Variants in TIGD6 observed in about 807,000 individuals in gnomAD.
TIGD6 encodes tigger transposable element-derived protein 6.
TIGD6 carries 1 observed loss-of-function variant against 2.6 expected under a neutral mutation model. That is an observed-to-expected ratio of 0.39 (90% CI 0.14 to 1.85). The LOEUF (loss-of-function observed/expected upper bound fraction) is 1.85. TIGD6 is among the 40% of genes most tolerant of loss of function. The pLI, the probability that TIGD6 is intolerant of heterozygous loss-of-function variation, is 0.32. For synonymous variants in TIGD6, 193 were observed against 221.9 expected (o/e 0.87, Z 1.16); for missense variants, 601 against 634.2 (o/e 0.95, Z 0.56).
intron 1 of TIGD6, chr5:149,999,961 G>C (rs1054369897): frequency 1.9e-5 from 3 of 154,500 alleles, no homozygotes; most frequent in Non-Finnish European, 4.4e-5. Flanking sequence ...GCTTCGTGGA[G>C]AATGGATTGT....
rs768437010 is a variant in TIGD6 at position 149,994,916 on chromosome 5, T to C, written c.1433A>G (p.Gln478Arg). The C allele has an allele frequency of 4.3e-6, 7 of 1,612,088 alleles. No homozygotes were observed. The South Asian group carries it at 6.6e-5, about 15-fold the overall frequency. ...AATGTCTACACAAGTGGAAAGGAAC[T>C]GTCTAAGTTTCTGTACACTTGATAT... Reference protein sequence around the residue: ...EAISSVQKLRQFLSTCVDIPD... With the variant: ...EAISSVQKLRRFLSTCVDIPD... The change falls in exon 2 of 2, where the codon CAG becomes CGG. Residue 478 changes from glutamine (Q) to arginine (R), a missense_variant. Gln to Arg is a conservative substitution (Grantham distance 43, BLOSUM62 1). Coordinates refer to ENST00000296736, the MANE Select transcript of TIGD6 (RefSeq NM_030953.4).
chr5:149,994,758 A>T lies in TIGD6; in HGVS notation c.*25T>A. The T allele has an allele frequency of 6.7e-7, 1 of 1,496,304 alleles. No individual in the cohort carries two copies. Among genetic ancestry groups the T allele is most frequent in the South Asian group, 1.4e-5 (1 of 70,802 alleles). The allele number at this position is 1,496,304 out of a possible 1,614,324, so 92.7% of individuals were successfully genotyped here. On this transcript the variant is annotated 3_prime_UTR_variant, in exon 2 of 2. Coordinates refer to ENST00000296736, the MANE Select transcript of TIGD6 (RefSeq NM_030953.4). Reference sequence around the variant, plus strand: ...AAAGAAATCTTTATTCTTGTAAACTACATTTTCTGAAATAAATTCCTGCAT... The same window carrying T: ...AAAGAAATCTTTATTCTTGTAAACTTCATTTTCTGAAATAAATTCCTGCAT...
chr5:149,996,417 C>A lies in TIGD6; in HGVS notation c.-69G>T. The A allele has an allele frequency of 6.6e-7, 1 of 1,515,944 alleles. No individual in the cohort carries two copies. Among genetic ancestry groups the A allele is most frequent in the Non-Finnish European group, 8.8e-7 (1 of 1,134,936 alleles). 93.9% of individuals were successfully genotyped at this position (1,515,944 alleles called of 1,614,324 possible). On this transcript the variant is annotated 5_prime_UTR_variant, in exon 2 of 2. Transcript: ENST00000296736. ...TTCCTCCTCGCGGCTTGCTTTGCCC[C>A]AAGTGTGGAAAGCTGAGAAGACAAA...
In TIGD6 at chr5:149,995,421, C is replaced by G. The variant is rs747809979; in HGVS notation, c.928G>C (p.Val310Leu). ...VGYLPSNCTA[V>L]LQPLNLGIIH... is the part of the protein sequence containing the mutation. ...ATGCCAAGATTCAGTGGCTGCAGGA[C>G]AGCAGTACAGTTGGAGGGCAGATAC... The change falls in exon 2 of 2, where the codon GTC becomes CTC. Residue 310 changes from valine (V) to leucine (L), a missense_variant. Physicochemically the swap from Val to Leu is conservative, Grantham distance 32. Coordinates refer to ENST00000296736, the MANE Select transcript of TIGD6 (RefSeq NM_030953.4). 7 of 1,614,114 alleles carry G rather than the reference C, an allele frequency of 4.3e-6. No homozygotes were observed. Among genetic ancestry groups the G allele is most frequent in the African/African-American group, 2.7e-5 (2 of 74,936 alleles).
chr5:149,995,678 A>G lies in TIGD6; in HGVS notation c.671T>C (p.Met224Thr). The G allele has an allele frequency of 6.2e-7, 1 of 1,614,006 alleles. No homozygotes were observed. The highest frequency in any genetic ancestry group is 8.5e-7 in the Non-Finnish European group (1 of 1,179,952). Reference sequence around the variant, plus strand: ...TGACCTACCAACAATCAATGGTCTCATTTTTTCAGTCCCCGAGGCATTGCA... The same window carrying G: ...TGACCTACCAACAATCAATGGTCTCGTTTTTTCAGTCCCCGAGGCATTGCA... Reference protein sequence around the residue: ...FCCNASGTEKMRPLIVGRSAS... With the variant: ...FCCNASGTEKTRPLIVGRSAS... Residue 224 changes from methionine (M) to threonine (T), a missense_variant, in exon 2 of 2, where the codon ATG (methionine) becomes ACG (threonine). Physicochemically the swap from Met to Thr is moderately conservative, Grantham distance 81. Transcript: ENST00000296736.
rs1202975278 is a variant in TIGD6, at chr5:150,000,649, T to A, written c.-257A>T. 1 of 154,788 alleles carries A rather than the reference T, an allele frequency of 6.5e-6. No individual in the cohort carries two copies. The highest frequency in any genetic ancestry group is 2.4e-5 in the African/African-American group (1 of 41,536). 9.6% of individuals were successfully genotyped at this position (154,788 alleles called of 1,614,324 possible). On this transcript the variant is annotated 5_prime_UTR_variant, in exon 1 of 2. Transcript: ENST00000296736. ...GTCCGCTCCCAAGCTAGGGCTGGGC[T>A]GTTGCGCTTGCGCCAGGGGTCGCAT... is the stretch of plus-strand genomic sequence containing the variant.
intron 1 of TIGD6, among the ~76,000 whole-genome samples, chr5:149,999,013 G>A (rs900158369): frequency 6.6e-6 from 1 of 152,184 alleles, no homozygotes; most frequent in African/African-American, 2.4e-5. Flanking sequence ...AGGAACTCAT[G>A]AGATGAAAGG....
intron 1 of TIGD6, among the ~76,000 whole-genome samples, chr5:149,999,539 G>A (rs909540610): frequency 2.6e-5 from 4 of 152,158 alleles, no homozygotes; most frequent in African/African-American, 9.7e-5. Flanking sequence ...GTGCTGGACC[G>A]GATGTGAGGT....
intron 1 of TIGD6, among the ~76,000 whole-genome samples, chr5:149,998,646 T>C (rs1427280620): frequency 6.6e-6 from 1 of 152,268 alleles, no homozygotes; most frequent in Non-Finnish European, 1.5e-5. Flanking sequence ...TTCGTAGGCA[T>C]TTTATCATGA....
At chr5:149,997,570 AACAC>A (rs1561838004) in intron 1 of TIGD6, among the ~76,000 whole-genome samples, 2 of 151,814 alleles carry the variant, frequency 1.3e-5, no homozygotes, top group Admixed American at 6.6e-5. Context: ...AAACAAAAAA[AACAC>A]ACACACCGAA....
rs1755317385 is a variant in TIGD6 at position 149,993,920 on chromosome 5, A to G, written c.*863T>C. On this transcript the variant is annotated 3_prime_UTR_variant, in exon 2 of 2. Coordinates refer to ENST00000296736, the MANE Select transcript of TIGD6 (RefSeq NM_030953.4). ...CAATATAACAAGACCCCATCTTTAA[A>G]AACAAACAAACAAACAAACGAACGA... 1 of 144,398 alleles carries G rather than the reference A, an allele frequency of 6.9e-6. No homozygotes were observed. Among genetic ancestry groups the G allele is most frequent in the Non-Finnish European group, 1.5e-5 (1 of 68,122 alleles). 8.9% of individuals were successfully genotyped at this position (144,398 alleles called of 1,614,324 possible).
chr5:149,998,466 C>T (rs1346790151), intron 1 of TIGD6, among the ~76,000 whole-genome samples: 1 of 151,994 alleles, frequency 6.6e-6, no homozygotes, highest in Non-Finnish European at 1.5e-5. Flanking sequence ...ACTCAAATGC[C>T]TTTAGGGGCC....
chr5:149,995,546 A>G lies in TIGD6; in HGVS notation c.803T>C (p.Val268Ala). ...RDLFNEWLMQ[V>A]DARMKRAERR... ...TTCCGCCCTCTTCATCCTGGCATCC[A>G]CTTGCATCAGCCACTCATTAAACAG... The change falls in exon 2 of 2, where the codon GTG becomes GCG. Residue 268 changes from valine (V) to alanine (A), a missense_variant. By Grantham distance (64) the Val-to-Ala change is moderately conservative. Coordinates refer to ENST00000296736, the MANE Select transcript of TIGD6 (RefSeq NM_030953.4). The G allele has an allele frequency of 1.9e-6, 3 of 1,614,230 alleles. No homozygotes were observed. Among genetic ancestry groups the G allele is most frequent in the Non-Finnish European group, 1.7e-6 (2 of 1,180,038 alleles).
rs937051691 is a variant in TIGD6 at position 149,997,410 on chromosome 5, T to C, written c.-81-981A>G. Among the ~76,000 whole-genome samples, 644 of 148,744 alleles carry C rather than the reference T, an allele frequency of 4.3e-3. 10 individuals carry two copies. The highest frequency in any genetic ancestry group is 0.015 in the African/African-American group (593 of 39,832). On this transcript the variant is annotated intron_variant, in intron 1 of 1. Transcript: ENST00000296736. ...AAAATTAGCCGGGCGTGGTGGCGGG[T>C]GCCTGTAATCCCAGCTACTTGGGAT...
chr5:149,995,636 A>G lies in TIGD6; in HGVS notation c.713T>C (p.Leu238Pro), dbSNP rs112592214. 1.9e-6 allele frequency: 3 copies of G among 1,614,118 alleles called. No individual in the cohort carries two copies. Among genetic ancestry groups the G allele is most frequent in the Non-Finnish European group, 2.5e-6 (3 of 1,180,054 alleles). The change falls in exon 2 of 2, where the codon CTC becomes CCC. Residue 238 changes from leucine to proline, a missense_variant. Coordinates refer to ENST00000296736, the MANE Select transcript of TIGD6 (RefSeq NM_030953.4). ...IVGRSASPHC[L>P]KNIHSLPCDY... ...ACAAGGGAGGGAATGAATGTTCTTG[A>G]GGCAGTGTGGGCTGGCTGACCTACC...
chr5:149,999,180 G>A (rs1294983975), intron 1 of TIGD6, among the ~76,000 whole-genome samples: 1 of 152,132 alleles, frequency 6.6e-6, no homozygotes, highest in Non-Finnish European at 1.5e-5. Flanking sequence ...GCTTTTGACG[G>A]TTTTTTGGTT....
chr5:149,995,409 G>C lies in TIGD6; in HGVS notation c.940C>G (p.Leu314Val), dbSNP rs746569467. Residue 314 changes from leucine (L) to valine (V), a missense_variant, in exon 2 of 2, where the codon CTG (leucine) becomes GTG (valine). Transcript: ENST00000296736. Reference protein sequence around the residue: ...PSNCTAVLQPLNLGIIHTMKV... With the variant: ...PSNCTAVLQPVNLGIIHTMKV... Reference sequence around the variant, plus strand: ...ATGGTGTGAATTATGCCAAGATTCAGTGGCTGCAGGACAGCAGTACAGTTG... The same window carrying C: ...ATGGTGTGAATTATGCCAAGATTCACTGGCTGCAGGACAGCAGTACAGTTG... 6.2e-7 allele frequency: 1 copy of C among 1,614,250 alleles called. No homozygotes were observed. The highest frequency in any genetic ancestry group is 8.5e-7 in the Non-Finnish European group (1 of 1,180,052).
intron 1 of TIGD6, among the ~76,000 whole-genome samples, chr5:149,999,058 T>C (rs999287216): frequency 1.3e-5 from 2 of 152,178 alleles, no homozygotes; most frequent in South Asian, 2.1e-4. Flanking sequence ...AAATACTATA[T>C]AGGAAATAGA....
rs1324577053 is a variant in TIGD6 at position 149,993,152 on chromosome 5, G to GA, written c.*1630dup. ...AAATGATCATATTAGTTTATTAAAA[G>GA]AAAAAATATCCAAAATAAGCTATAA... On this transcript the variant is annotated 3_prime_UTR_variant, in exon 2 of 2. Coordinates refer to ENST00000296736, the MANE Select transcript of TIGD6 (RefSeq NM_030953.4). 1 of 152,058 alleles carries GA rather than the reference G, an allele frequency of 6.6e-6. No homozygotes were observed. The highest frequency in any genetic ancestry group is 2.1e-4 in the South Asian group (1 of 4,812). The allele number at this position is 152,058 out of a possible 1,614,324, so 9.4% of individuals were successfully genotyped here.
Sources: gnomAD v4.1 joint callset for allele counts (sites outside exome capture counted in the v4.1 genomes callset) on GRCh38, gnomAD v4.1.1 for gene constraint, MANE v1.5 for transcripts, NCBI Gene and HGNC (gene_info 2026-07-23, HGNC 2026-07-21) for gene names.